Variants in PHLPP1 observed in about 807,000 individuals in gnomAD.
PHLPP1 encodes PH domain leucine-rich repeat-containing protein phosphatase 1.
Under a neutral mutation model 117.2 loss-of-function variants are expected in PHLPP1, and 42 were observed. The observed-to-expected ratio is 0.36, with a 90% CI of 0.28 to 0.46. The LOEUF (loss-of-function observed/expected upper bound fraction) is 0.46, where lower values mean the gene tolerates loss of function less well. PHLPP1 is among the 20% of genes least tolerant of loss of function. The pLI, the probability that PHLPP1 is intolerant of heterozygous loss-of-function variation, is 1.00. For synonymous variants in PHLPP1, 1,042 were observed against 970.7 expected (o/e 1.07, Z -1.37); for missense variants, 2,084 against 2,241.9 (o/e 0.93, Z 1.42).
intron 9 of PHLPP1, among the ~76,000 whole-genome samples, chr18:62,919,356 G>A (rs1397264482): frequency 3.3e-5 from 5 of 152,188 alleles, no homozygotes; most frequent in Non-Finnish European, 7.3e-5. Context: ...AGTGGATTAA[G>A]TACATGCTGC....
Position 62,716,321 on chromosome 18 carries a change from C to G in PHLPP1, c.638C>G (p.Ser213Trp). The change falls in exon 1 of 17, where the codon TCG (serine) becomes TGG (tryptophan). Residue 213 changes from serine (S) to tryptophan (W), a missense_variant. Physicochemically the swap from Ser to Trp is radical, Grantham distance 177. Coordinates refer to ENST00000262719, the MANE Select transcript of PHLPP1 (RefSeq NM_194449.4). The surrounding 1 kb of genome is among the most constrained non-coding windows in gnomAD (Gnocchi z 5.7). The stretch of plus-strand genomic sequence containing the variant: ...CACGTCTTCGACCGCCACATGGCCT[C>G]GACCTACCTGCGCCCGGTGCTCTGC... ...CVHVFDRHMA[S>W]TYLRPVLCTL... is the part of the protein sequence containing the mutation. 6.5e-7 allele frequency: 1 copy of G among 1,530,780 alleles called. No homozygotes were observed. The highest frequency in any genetic ancestry group is 8.7e-7 in the Non-Finnish European group (1 of 1,145,096). The allele number at this position is 1,530,780 out of a possible 1,614,324, so 94.8% of individuals were successfully genotyped here.
intron 1 of PHLPP1, among the ~76,000 whole-genome samples, chr18:62,812,453 G>A (rs1458240987): frequency 1.3e-5 from 2 of 152,168 alleles, no homozygotes; most frequent in Admixed American, 1.3e-4. Flanking sequence ...TCTAAAGGAG[G>A]TAGCTACGTA....
intron 1 of PHLPP1, among the ~76,000 whole-genome samples, chr18:62,812,416 TCACCTTTGA>T (rs1335216530): frequency 6.6e-6 from 1 of 152,196 alleles, no homozygotes; most frequent in Non-Finnish European, 1.5e-5. Context: ...GCAGTGTGCA[TCACCTTTGA>T]CACAGTCATA....
intron 4 of PHLPP1, among the ~76,000 whole-genome samples, chr18:62,869,181 A>T (rs188509817): frequency 6.6e-6 from 1 of 152,174 alleles, no homozygotes; most frequent in Admixed American, 6.5e-5. Flanking sequence ...CCTGGGTCAA[A>T]TGAAGGGCCG....
chr18:62,955,233 C>T (rs796332031), intron 12 of PHLPP1, among the ~76,000 whole-genome samples: 1 of 152,186 alleles, frequency 6.6e-6, no homozygotes, highest in South Asian at 2.1e-4. Context: ...TGCAGGCACT[C>T]TGGCATGGGT....
intron 1 of PHLPP1, among the ~76,000 whole-genome samples, chr18:62,767,500 C>T (rs887517558): frequency 3.3e-5 from 5 of 152,172 alleles, no homozygotes; most frequent in Non-Finnish European, 7.4e-5. Flanking sequence ...TGAAAAGTTA[C>T]GGCCCATATA....
At chr18:62,954,068 TC>T (rs1187676179) in intron 12 of PHLPP1, among the ~76,000 whole-genome samples, 1 of 152,242 alleles carries the variant, frequency 6.6e-6, no homozygotes, top group Non-Finnish European at 1.5e-5. Flanking sequence ...AAACTATACA[TC>T]AAGTTGAATT....
intron 4 of PHLPP1, among the ~76,000 whole-genome samples, chr18:62,873,411 T>G (rs1423875121): frequency 6.6e-6 from 1 of 152,234 alleles, no homozygotes; most frequent in Non-Finnish European, 1.5e-5. Flanking sequence ...CTTAAATTGT[T>G]TAATTCTATG....
At chr18:62,815,408 A>T (rs1914244866) in intron 1 of PHLPP1, among the ~76,000 whole-genome samples, 1 of 152,034 alleles carries the variant, frequency 6.6e-6, no homozygotes. Flanking sequence ...CGCCTGCCTC[A>T]GCCTCCCAAA....
chr18:62,777,585 A>G (rs1912998836), intron 1 of PHLPP1, among the ~76,000 whole-genome samples: 1 of 151,750 alleles, frequency 6.6e-6, no homozygotes, highest in African/African-American at 2.4e-5. Context: ...TTAAAGCCTA[A>G]TTTGTGAGGT....
In PHLPP1 at chr18:62,912,373, A is replaced by G. The variant is rs1317178149; in HGVS notation, c.2709-2540A>G. On this transcript the variant is annotated intron_variant, in intron 8 of 16. Coordinates refer to ENST00000262719, the MANE Select transcript of PHLPP1 (RefSeq NM_194449.4). ...AAAAAAAAAATTTTTTTTTATTATA[A>G]ATATATAATTATAAAATCATAAAAC... 2.6e-5 allele frequency among the ~76,000 whole-genome samples: 4 copies of G among 151,172 alleles called. No homozygotes were observed. In the East Asian group the frequency reaches 7.7e-4, roughly 29 times the overall value.
chr18:62,856,332 T>G (rs1915497650), intron 3 of PHLPP1, among the ~76,000 whole-genome samples: 1 of 152,156 alleles, frequency 6.6e-6, no homozygotes, highest in Non-Finnish European at 1.5e-5. Context: ...GATCTGCTGC[T>G]TACCCCATAT....
chr18:62,881,496 A>G (rs1428760709), intron 4 of PHLPP1, among the ~76,000 whole-genome samples: 2 of 152,246 alleles, frequency 1.3e-5, no homozygotes, highest in Non-Finnish European at 2.9e-5. Flanking sequence ...TTTTTACCTA[A>G]GTAAAATATG....
chr18:62,971,583 C>T (rs1025313824), intron 14 of PHLPP1, among the ~76,000 whole-genome samples: 6 of 152,178 alleles, frequency 3.9e-5, no homozygotes, highest in Admixed American at 6.5e-5. Flanking sequence ...CCTCAATGCA[C>T]GGAGACCACA....
chr18:62,764,890 AG>A (rs1329880731), intron 1 of PHLPP1, among the ~76,000 whole-genome samples: 8 of 152,240 alleles, frequency 5.3e-5, no homozygotes, highest in Admixed American at 4.6e-4. Context: ...TCCTTTAAAA[AG>A]TGCTTTCTCT....
At chr18:62,829,907 A>G (rs1914709890) in intron 1 of PHLPP1, 128 bp from the exon 2 acceptor site, 3 of 600,604 alleles carry the variant, frequency 5.0e-6, no homozygotes, top group Non-Finnish European at 8.3e-6. Flanking sequence ...CTCAATTATA[A>G]ATTAGATTGA....
chr18:62,808,565 T>TTTTTTTTTTTTTTTA (rs747889895), intron 1 of PHLPP1, among the ~76,000 whole-genome samples: 2,068 of 149,986 alleles, frequency 0.014, 14 homozygotes, highest in Middle Eastern at 0.032. Flanking sequence ...TTGTTTTTTT[T>TTTTTTTTTTTTTTTA]TTTTGAGACG....
intron 2 of PHLPP1, among the ~76,000 whole-genome samples, chr18:62,836,781 G>C (rs1158728691): frequency 3.3e-5 from 5 of 151,588 alleles, no homozygotes; most frequent in Admixed American, 3.3e-4. Flanking sequence ...TGGCTATATA[G>C]GGGCCAGGCG....
At chr18:62,885,097 T>C (rs1457020193) in intron 4 of PHLPP1, among the ~76,000 whole-genome samples, 1 of 152,186 alleles carries the variant, frequency 6.6e-6, no homozygotes, top group Admixed American at 6.5e-5. Context: ...TGAGTATAGA[T>C]TGAATAAGTG....
Sources: allele counts gnomAD v4.1 joint callset (sites outside exome capture counted in the v4.1 genomes callset), GRCh38; gene constraint gnomAD v4.1.1; non-coding constraint Gnocchi (gnomAD v3.1); transcripts MANE v1.5; gene names NCBI Gene and HGNC (gene_info 2026-07-23, HGNC 2026-07-21).